The following TG variants were observed in gnomAD, a reference collection of about 807,000 sequenced individuals.
TG encodes the protein thyroglobulin.
A neutral mutation model predicts 324.7 loss-of-function variants in TG; 270 were observed. That is an observed-to-expected ratio of 0.83 (90% confidence interval 0.75 to 0.92). The LOEUF is 0.92. Among genes scored for constraint, TG ranks in the 40% least tolerant of loss-of-function variants. TG has a pLI of 0.00. For synonymous variants in TG, 1,401 were observed against 1,327.0 expected (o/e 1.06, Z -1.21); for missense variants, 3,591 against 3,456.4 (o/e 1.04, Z -0.98).
intron 35 of TG, among the ~76,000 whole-genome samples, chr8:133,008,583 C>T (rs929353136): frequency 3.3e-5 from 5 of 152,190 alleles, no homozygotes; most frequent in Non-Finnish European, 1.5e-5. Context: ...TTTGGGTGAG[C>T]TTGGAAGCTG....
intron 14 of TG, among the ~76,000 whole-genome samples, chr8:132,899,464 G>A (rs1587314390): frequency 1.3e-5 from 2 of 152,180 alleles, no homozygotes; most frequent in Admixed American, 1.3e-4. Context: ...AAATAGGATG[G>A]TAGGAACACC....
At chr8:132,995,256 G>T in intron 35 of TG, 2 of 974,578 alleles carry the variant, frequency 2.1e-6, no homozygotes, top group Non-Finnish European at 2.4e-6. Flanking sequence ...TTGAGATTTG[G>T]GTAAAGTCCT....
intron 41 of TG, among the ~76,000 whole-genome samples, chr8:133,090,701 A>C (rs755627652): frequency 6.6e-5 from 10 of 152,208 alleles, no homozygotes; most frequent in Non-Finnish European, 1.0e-4. Flanking sequence ...TTTAATCTGC[A>C]CATCAGCTCT....
chr8:132,991,093 T>C (rs1381448390), intron 35 of TG, among the ~76,000 whole-genome samples: 1 of 151,602 alleles, frequency 6.6e-6, no homozygotes. Context: ...TGTTATGGCC[T>C]CACGCTGGTC....
Position 132,886,799 on chromosome 8 carries a change from T to A in TG, c.1427T>A (p.Phe476Tyr), listed in dbSNP as rs1188188937. The change falls in exon 9 of 48, where the codon TTT (phenylalanine) becomes TAT (tyrosine). Residue 476 changes from phenylalanine (F) to tyrosine (Y), a missense_variant. Coordinates refer to ENST00000220616, the MANE Select transcript of TG (RefSeq NM_003235.5). ...RLQQNLFGGK[F>Y]LVNVGQFNLS... Reference sequence around the variant, plus strand: ...CAGCAAAACCTTTTTGGAGGGAAATTTTTGGTGAATGTTGGCCAGTTTAAC... The same window carrying A: ...CAGCAAAACCTTTTTGGAGGGAAATATTTGGTGAATGTTGGCCAGTTTAAC... The A allele has an allele frequency of 6.2e-7, 1 of 1,614,026 alleles. No individual in the cohort carries two copies. The highest frequency in any genetic ancestry group is 2.2e-5 in the East Asian group (1 of 44,890).
chr8:132,941,801 C>T (rs1460113093), intron 26 of TG, among the ~76,000 whole-genome samples: 4 of 152,314 alleles, frequency 2.6e-5, no homozygotes, highest in East Asian at 3.9e-4. Flanking sequence ...TTGCAAGCTC[C>T]GTTTTACACA....
At chr8:132,929,253 G>A (rs1336358958) in intron 23 of TG, 61 bp downstream of exon 23, 2 of 1,316,752 alleles carry the variant, frequency 1.5e-6, no homozygotes, top group Non-Finnish European at 2.2e-6. Context: ...TCTGCTGAGA[G>A]TTGTCGAGAC....
intron 45 of TG, among the ~76,000 whole-genome samples, chr8:133,126,805 A>C (rs1330455104): frequency 6.6e-6 from 1 of 151,790 alleles, no homozygotes; most frequent in African/African-American, 2.4e-5. Context: ...AAAAAAAAAC[A>C]AAAAAACAAA....
intron 41 of TG, among the ~76,000 whole-genome samples, chr8:133,085,559 T>C (rs752584966): frequency 3.4e-4 from 51 of 152,146 alleles, no homozygotes; most frequent in Middle Eastern, 3.2e-3. Flanking sequence ...TGAATAGACA[T>C]TTCTCCAAAG....
In TG at chr8:132,983,400, C is replaced by A. The variant is rs779638531; in HGVS notation, c.6250C>A (p.Leu2084Ile). The change falls in exon 35 of 48, where the codon CTC becomes ATC. Residue 2084 changes from leucine (L) to isoleucine (I), a missense_variant. Coordinates refer to ENST00000220616, the MANE Select transcript of TG (RefSeq NM_003235.5). Reference sequence around the variant, plus strand: ...TTGCCCTTTGGTTGTTCTGCCTTCCCTCACAGAGAAAGGTAAGTTCATTGT... The same window carrying A: ...TTGCCCTTTGGTTGTTCTGCCTTCCATCACAGAGAAAGGTAAGTTCATTGT... ...SFCPLVVLPS[L>I]TEKVSLDSWQ... The A allele has an allele frequency of 2.0e-5, 32 of 1,613,936 alleles. 1 individual carries two copies. The South Asian group carries it at 3.4e-4, about 17-fold the overall frequency.
rs748414457 is a variant in TG, at chr8:133,116,646, A to T, written c.7792A>T (p.Ser2598Cys). Reference protein sequence around the residue: ...FIICPIIDMASAWAKRARGNV... With the variant: ...FIICPIIDMACAWAKRARGNV... ...CATCTGCCCTATAATCGACATGGCC[A>T]GTGCCTGGGCAAAGAGGGCCCGAGG... is the stretch of plus-strand genomic sequence containing the variant. Residue 2598 changes from serine to cysteine, a missense_variant, in exon 45 of 48, where the codon AGT becomes TGT. Physicochemically the swap from Ser to Cys is moderately radical, Grantham distance 112. Coordinates refer to ENST00000220616, the MANE Select transcript of TG (RefSeq NM_003235.5). 1 of 1,614,272 alleles carries T rather than the reference A, an allele frequency of 6.2e-7. No individual in the cohort carries two copies.
In TG at chr8:132,887,858, C is replaced by A; in HGVS notation, c.2177-126C>A. On this transcript the variant is annotated intron_variant, in intron 9 of 47. Coordinates refer to ENST00000220616, the MANE Select transcript of TG (RefSeq NM_003235.5). ...TCTAGATATTATTTACAAATTTAAG[C>A]TTCATGGTATTTCTATGGCTATATA... 5.2e-6 allele frequency: 5 copies of A among 954,846 alleles called. No individual in the cohort carries two copies. The South Asian group carries it at 7.3e-5, about 14-fold the overall frequency. 59.1% of individuals were successfully genotyped at this position (954,846 alleles called of 1,614,324 possible). A position where few individuals can be genotyped will look rare whatever the true frequency, so the allele number is the denominator to read the frequency against.
chr8:132,997,418 T>C (rs1438690766), intron 35 of TG, among the ~76,000 whole-genome samples: 5 of 152,126 alleles, frequency 3.3e-5, no homozygotes, highest in African/African-American at 1.2e-4. Context: ...GTCATTAGCA[T>C]GTCAGTGGTA....
At chr8:133,017,641 G>T (rs1001890390) in intron 37 of TG, 137 bp from the exon 38 acceptor site, 8 of 859,772 alleles carry the variant, frequency 9.3e-6, no homozygotes, top group East Asian at 2.5e-5. Flanking sequence ...GTAGGGGTCT[G>T]AATGAATGAT....
intron 43 of TG, among the ~76,000 whole-genome samples, chr8:133,100,983 G>C (rs1242562386): frequency 6.6e-6 from 1 of 152,104 alleles, no homozygotes; most frequent in Non-Finnish European, 1.5e-5. Flanking sequence ...GGAAAGAAAG[G>C]CTTAGTGAGG....
chr8:132,937,523 T>G (rs151322313), intron 25 of TG, among the ~76,000 whole-genome samples: 1 of 144,398 alleles, frequency 6.9e-6, no homozygotes, highest in Non-Finnish European at 1.5e-5. Context: ...ATCTAGTGAC[T>G]AGGGTCACTC....
intron 2 of TG, 159 bp downstream of exon 2, chr8:132,868,382 A>T: frequency 1.4e-6 from 1 of 713,972 alleles, no homozygotes; most frequent in Non-Finnish European, 2.5e-6. Context: ...TTCCACTGTC[A>T]TTTGGAGGTG....
At chr8:132,993,362 C>T (rs959946923) in intron 35 of TG, among the ~76,000 whole-genome samples, 6 of 152,150 alleles carry the variant, frequency 3.9e-5, no homozygotes, top group African/African-American at 1.4e-4. Flanking sequence ...CTTTGGCACT[C>T]CTTAAGTATG....
chr8:132,947,852 A>T (rs1456631213), intron 26 of TG, among the ~76,000 whole-genome samples: 1 of 152,254 alleles, frequency 6.6e-6, no homozygotes, highest in Admixed American at 6.5e-5. Flanking sequence ...TGGCTGGCAC[A>T]TAGCAGATAT....
Sources: gnomAD v4.1 joint callset for allele counts (sites outside exome capture counted in the v4.1 genomes callset) on GRCh38, gnomAD v4.1.1 for gene constraint, MANE v1.5 for transcripts, NCBI Gene and HGNC (gene_info 2026-07-23, HGNC 2026-07-21) for gene names.